The following AMN1 variants were observed in gnomAD, a reference collection of about 807,000 sequenced individuals.
AMN1 encodes protein AMN1 homolog.
A neutral mutation model predicts 33.0 loss-of-function variants in AMN1; 20 were observed. The ratio of observed to expected loss-of-function variants is 0.61; its 90% CI spans 0.43 to 0.88. The LOEUF (loss-of-function observed/expected upper bound fraction) is 0.88, where lower values mean the gene tolerates loss of function less well. Among genes scored for constraint, AMN1 ranks in the 40% least tolerant of loss-of-function variants. AMN1 has a pLI of 0.00. For missense variants in AMN1, 246 were observed against 307.4 expected, an observed-to-expected ratio of 0.80 and a Z score of 1.49; for synonymous variants, 114 against 111.9, an observed-to-expected ratio of 1.02 and a Z score of -0.12.
rs1426554040 is a variant in AMN1 at position 31,683,662 on chromosome 12, GT to G, written c.703+5344del. On this transcript the variant is annotated intron_variant, in intron 6 of 6. Transcript: ENST00000281471. The surrounding 1 kb of genome is among the most constrained non-coding windows in gnomAD (Gnocchi z 4.1). ...CTCATTCTCTCTTGCCTGCCACCCTGTAAGACGTGCCTTTCGCCTTCAGCCA... is the reference window on the plus strand; with the variant it reads ...CTCATTCTCTCTTGCCTGCCACCCTGAAGACGTGCCTTTCGCCTTCAGCCA... Among the ~76,000 whole-genome samples the G allele has an allele frequency of 2.0e-5, 3 of 152,186 alleles. No individual in the cohort carries two copies. Among genetic ancestry groups the G allele is most frequent in the African/African-American group, 7.2e-5 (3 of 41,454 alleles).
chr12:31,680,454 G>A (rs962846409), intron 6 of AMN1, among the ~76,000 whole-genome samples: 3 of 151,954 alleles, frequency 2.0e-5, no homozygotes, highest in African/African-American at 2.4e-5. Flanking sequence ...GCCTGCCTCG[G>A]CCCCCCCACA....
chr12:31,713,741 G>A (rs527882395), intron 1 of AMN1, among the ~76,000 whole-genome samples: 25 of 152,162 alleles, frequency 1.6e-4, no homozygotes, highest in African/African-American at 2.2e-4. Flanking sequence ...CCTGGGGTGC[G>A]GGGGTGCTGA....
intron 1 of AMN1, among the ~76,000 whole-genome samples, chr12:31,725,551 G>C (rs530441945): frequency 6.6e-6 from 1 of 152,166 alleles, no homozygotes; most frequent in Non-Finnish European, 1.5e-5. Context: ...TCTAATGTAA[G>C]TGTTACATAA....
intron 5 of AMN1, among the ~76,000 whole-genome samples, chr12:31,694,198 T>C (rs1938622177): frequency 6.6e-6 from 1 of 151,298 alleles, no homozygotes; most frequent in African/African-American, 2.4e-5. Flanking sequence ...TCCCAGCACT[T>C]TGGGGGGCCA....
At chr12:31,702,279 C>A (rs141693744) in intron 2 of AMN1, among the ~76,000 whole-genome samples, 1 of 152,154 alleles carries the variant, frequency 6.6e-6, no homozygotes, top group Non-Finnish European at 1.5e-5. Context: ...GATCCATAGA[C>A]CTGAGAAGCT....
At chr12:31,688,148 A>G (rs1938347641) in intron 6 of AMN1, among the ~76,000 whole-genome samples, 1 of 152,048 alleles carries the variant, frequency 6.6e-6, no homozygotes, top group Admixed American at 6.6e-5. Context: ...GAGATGGGGT[A>G]TCTTCATGTT....
At chr12:31,705,650 G>A (rs1306508896) in intron 2 of AMN1, among the ~76,000 whole-genome samples, 3 of 152,156 alleles carry the variant, frequency 2.0e-5, no homozygotes, top group Admixed American at 1.3e-4. Flanking sequence ...CAGGCTGGCA[G>A]GACAAGGGGA....
chr12:31,680,453 G>A (rs999590636), intron 6 of AMN1, among the ~76,000 whole-genome samples: 2 of 152,042 alleles, frequency 1.3e-5, no homozygotes, highest in South Asian at 2.1e-4. Flanking sequence ...CGCCTGCCTC[G>A]GCCCCCCCAC....
intron 6 of AMN1, among the ~76,000 whole-genome samples, chr12:31,688,102 G>A (rs995748581): frequency 1.3e-5 from 2 of 152,034 alleles, no homozygotes; most frequent in African/African-American, 2.4e-5. Flanking sequence ...TTACAGGTGC[G>A]CACCACCACA....
In AMN1 at chr12:31,683,604, T is replaced by C. The variant is rs1462724215; in HGVS notation, c.703+5403A>G. On this transcript the variant is annotated intron_variant, in intron 6 of 6. Transcript: ENST00000281471. The surrounding 1 kb of genome is among the most constrained non-coding windows in gnomAD (Gnocchi z 4.1). The stretch of plus-strand genomic sequence containing the variant: ...AGTAAATAAGTCTCATGAGATCTGA[T>C]GGTTTTAAAAGGGGAAACCCCTTCT... Among the ~76,000 whole-genome samples, 1 of 152,192 alleles carries C rather than the reference T, an allele frequency of 6.6e-6. No homozygotes were observed. Among genetic ancestry groups the C allele is most frequent in the African/African-American group, 2.4e-5 (1 of 41,448 alleles).
intron 2 of AMN1, among the ~76,000 whole-genome samples, chr12:31,703,650 T>C (rs1427467516): frequency 6.6e-6 from 1 of 152,234 alleles, no homozygotes; most frequent in African/African-American, 2.4e-5. Flanking sequence ...TATATTCATT[T>C]TGATGTTTTT....
chr12:31,680,122 C>CAA (rs199557679), intron 6 of AMN1, among the ~76,000 whole-genome samples: 33 of 119,080 alleles, frequency 2.8e-4, no homozygotes, highest in East Asian at 1.9e-3. Context: ...AACTCCATCT[C>CAA]AAAAAAAAAA....
intron 6 of AMN1, among the ~76,000 whole-genome samples, chr12:31,679,051 G>C (rs1166315228): frequency 6.6e-6 from 1 of 152,108 alleles, no homozygotes; most frequent in Non-Finnish European, 1.5e-5. Context: ...GCTCACGCCT[G>C]TAATCCCAGC....
chr12:31,697,361 C>T lies in AMN1; in HGVS notation c.591G>A (p.Glu197=). 6.2e-7 allele frequency: 1 copy of T among 1,608,212 alleles called. No homozygotes were observed. The highest frequency in any genetic ancestry group is 8.5e-7 in the Non-Finnish European group (1 of 1,176,378). Residue 197 remains glutamate, a splice_region_variant and synonymous_variant, in exon 5 of 7, where the codon GAG becomes GAA. Transcript: ENST00000281471. ...ATCTTTATAATTGTTTTAAAATTACCTCTAATTTCTTCGCACAAGGTCCAC... is the reference window on the plus strand; with the variant it reads ...ATCTTTATAATTGTTTTAAAATTACTTCTAATTTCTTCGCACAAGGTCCAC... ...LVSGPCAKKL[E]EIHMGHCVNL... is the part of the protein sequence containing the mutation.
At chr12:31,682,464 A>G (rs897283107) in intron 6 of AMN1, among the ~76,000 whole-genome samples, 9 of 115,724 alleles carry the variant, frequency 7.8e-5, no homozygotes, top group Admixed American at 3.9e-4. Flanking sequence ...GGAGGACTAG[A>G]GAGAGGGTGT....
At chr12:31,722,897 C>T (rs1939927569) in intron 1 of AMN1, among the ~76,000 whole-genome samples, 2 of 152,168 alleles carry the variant, frequency 1.3e-5, no homozygotes, top group African/African-American at 4.8e-5. Context: ...TGGCTCACAC[C>T]TGTAATCCCA....
intron 2 of AMN1, among the ~76,000 whole-genome samples, chr12:31,706,967 C>A (rs1381409020): frequency 1.4e-5 from 2 of 148,134 alleles, no homozygotes; most frequent in Admixed American, 6.9e-5. Flanking sequence ...TATTAATAAG[C>A]ATAATAATAT....
chr12:31,705,138 G>T (rs1287773581), intron 2 of AMN1, among the ~76,000 whole-genome samples: 5 of 152,168 alleles, frequency 3.3e-5, no homozygotes, highest in African/African-American at 4.8e-5. Context: ...TCAGGTTAAT[G>T]CAGAAGAAAC....
intron 4 of AMN1, 45 bp from the exon 5 acceptor site, chr12:31,697,462 G>T (rs748034645): frequency 1.9e-6 from 3 of 1,581,784 alleles, no homozygotes; most frequent in Non-Finnish European, 1.7e-6. Context: ...TCCAGACAAC[G>T]GAAGTAGAAT....
Sources: gnomAD v4.1 joint callset for allele counts (sites outside exome capture counted in the v4.1 genomes callset) on GRCh38, gnomAD v4.1.1 for gene constraint, Gnocchi (gnomAD v3.1) non-coding constraint, MANE v1.5 for transcripts, NCBI Gene and HGNC (gene_info 2026-07-23, HGNC 2026-07-21) for gene names.